MACROD2: variants seen among roughly 807,000 people sequenced by gnomAD.
MACROD2 encodes the protein mono-ADP ribosylhydrolase 2, also known as ADP-ribose glycohydrolase MACROD2.
MACROD2 carries 36 observed loss-of-function variants against 70.4 expected under a neutral mutation model. That is an observed-to-expected ratio of 0.51 (90% CI 0.39 to 0.68). The LOEUF (loss-of-function observed/expected upper bound fraction) is 0.68, where lower values mean the gene tolerates loss of function less well. MACROD2 is among the 30% of genes least tolerant of loss of function. The pLI, the probability that MACROD2 is intolerant of heterozygous loss-of-function variation, is 0.00. For synonymous variants in MACROD2, 172 were observed against 178.8 expected (o/e 0.96, Z 0.30); for missense variants, 496 against 538.4 (o/e 0.92, Z 0.78).
At chr20:15,978,533 T>A (rs1400626954) in intron 13 of MACROD2, among the ~76,000 whole-genome samples, 1 of 152,050 alleles carries the variant, frequency 6.6e-6, no homozygotes, top group African/African-American at 2.4e-5. Context: ...CTCCGCTGAC[T>A]GTGGTGGAGC....
At chr20:15,159,159 A>G (rs927388270) in intron 5 of MACROD2, among the ~76,000 whole-genome samples, 1 of 152,186 alleles carries the variant, frequency 6.6e-6, no homozygotes, top group African/African-American at 2.4e-5. Context: ...ATACAAAAAA[A>G]TTCTTTTCTA....
chr20:14,147,341 G>T (rs934321025), intron 3 of MACROD2, among the ~76,000 whole-genome samples: 1 of 152,132 alleles, frequency 6.6e-6, no homozygotes, highest in Non-Finnish European at 1.5e-5. Context: ...AATAGAAGTT[G>T]AGCCTCAGTT....
chr20:15,294,981 G>A (rs898787141), intron 6 of MACROD2, among the ~76,000 whole-genome samples: 2 of 152,164 alleles, frequency 1.3e-5, no homozygotes, highest in African/African-American at 4.8e-5. Context: ...GTTTGGCTGT[G>A]TCCCCACTGA....
intron 5 of MACROD2, chr20:15,197,064 TATAAGGTCCTC>T: frequency 7.2e-6 from 7 of 978,874 alleles, no homozygotes; most frequent in Non-Finnish European, 8.5e-6. Context: ...ATAAGGTCCT[TATAAGGTCCTC>T]TTCATGTCTG....
intron 3 of MACROD2, among the ~76,000 whole-genome samples, chr20:14,166,529 T>A (rs999765862): frequency 6.9e-4 from 105 of 152,316 alleles, no homozygotes; most frequent in Non-Finnish European, 2.4e-4. Flanking sequence ...TCTCTTTAGT[T>A]TTAATCCACA....
At chr20:15,896,944 G>GA (rs1243393019) in intron 10 of MACROD2, among the ~76,000 whole-genome samples, 1 of 151,970 alleles carries the variant, frequency 6.6e-6, no homozygotes, top group Non-Finnish European at 1.5e-5. Flanking sequence ...GAATTGTTTG[G>GA]AAAAAAGCCT....
At chr20:14,704,068 A>G (rs1262216609) in intron 5 of MACROD2, among the ~76,000 whole-genome samples, 1 of 152,072 alleles carries the variant, frequency 6.6e-6, no homozygotes, top group East Asian at 1.9e-4. Flanking sequence ...ACAATACATT[A>G]ATGGTCTCTG....
intron 3 of MACROD2, among the ~76,000 whole-genome samples, chr20:14,287,693 A>G (rs192635191): frequency 5.3e-5 from 8 of 152,312 alleles, no homozygotes; most frequent in Admixed American, 1.3e-4. Context: ...GGTTTGAGCC[A>G]GGGCTAGATT....
intron 3 of MACROD2, among the ~76,000 whole-genome samples, chr20:14,274,723 G>A (rs2082233331): frequency 6.6e-6 from 1 of 152,098 alleles, no homozygotes; most frequent in African/African-American, 2.4e-5. Context: ...GTTTGCAGAT[G>A]ACATGATTGT....
intron 4 of MACROD2, among the ~76,000 whole-genome samples, chr20:14,600,993 T>C (rs772926502): frequency 7.9e-5 from 12 of 152,192 alleles, no homozygotes; most frequent in Non-Finnish European, 1.5e-4. Context: ...GAAGCCTCTG[T>C]CTTGTTGACT....
chr20:14,106,421 C>T (rs904728785), intron 3 of MACROD2, among the ~76,000 whole-genome samples: 1 of 152,136 alleles, frequency 6.6e-6, no homozygotes, highest in African/African-American at 2.4e-5. Context: ...AGCAACACAT[C>T]ACGTAAATCT....
intron 8 of MACROD2, among the ~76,000 whole-genome samples, chr20:15,837,473 C>G (rs374338661): frequency 1.3e-5 from 2 of 152,274 alleles, no homozygotes; most frequent in South Asian, 4.1e-4. Flanking sequence ...ACAAGAACCC[C>G]TCGAGGGCTC....
At chr20:15,338,684 A>AG (rs1206478594) in intron 6 of MACROD2, among the ~76,000 whole-genome samples, 5 of 147,774 alleles carry the variant, frequency 3.4e-5, no homozygotes. Context: ...AAACAGGCCT[A>AG]GGGGGGTAAG....
At chr20:14,517,015 G>A (rs529087975) in intron 4 of MACROD2, among the ~76,000 whole-genome samples, 9 of 152,234 alleles carry the variant, frequency 5.9e-5, no homozygotes, top group African/African-American at 2.2e-4. Context: ...TTAGAATGGT[G>A]ATCATTAAAA....
intron 3 of MACROD2, among the ~76,000 whole-genome samples, chr20:14,207,887 G>A (rs1221201901): frequency 6.6e-6 from 1 of 152,242 alleles, no homozygotes; most frequent in African/African-American, 2.4e-5. Context: ...GGTACATGTA[G>A]TGAGTCCTGG....
At chr20:15,909,331 A>C (rs774936835) in intron 10 of MACROD2, among the ~76,000 whole-genome samples, 3 of 152,058 alleles carry the variant, frequency 2.0e-5, no homozygotes, top group Non-Finnish European at 4.4e-5. Flanking sequence ...ACCACATTCT[A>C]TTGGTTGAGG....
chr20:14,446,624 A>T (rs908396395), intron 3 of MACROD2, among the ~76,000 whole-genome samples: 1 of 152,078 alleles, frequency 6.6e-6, no homozygotes, highest in Admixed American at 6.6e-5. Flanking sequence ...AGGGCCTCCC[A>T]GTTCTCAGAT....
At chr20:15,683,037 TCAGA>T (rs1264904770) in intron 8 of MACROD2, among the ~76,000 whole-genome samples, 4 of 152,176 alleles carry the variant, frequency 2.6e-5, no homozygotes, top group Admixed American at 6.5e-5. Context: ...AATAATAGAA[TCAGA>T]GATTGATGAA....
chr20:15,820,303 G>A (rs1416638339), intron 8 of MACROD2, among the ~76,000 whole-genome samples: 1 of 151,964 alleles, frequency 6.6e-6, no homozygotes, highest in Non-Finnish European at 1.5e-5. Flanking sequence ...TGGTCCTCCC[G>A]CCTCAGCCCC....
Sources: gnomAD v4.1 joint callset for allele counts (sites outside exome capture counted in the v4.1 genomes callset) on GRCh38, gnomAD v4.1.1 for gene constraint, MANE v1.5 for transcripts, NCBI Gene and HGNC (gene_info 2026-07-23, HGNC 2026-07-21) for gene names.